Variants in PLEKHO1 observed in about 807,000 individuals in gnomAD.
The protein encoded by PLEKHO1 is pleckstrin homology domain-containing family O member 1.
Under a neutral mutation model 41.4 loss-of-function variants are expected in PLEKHO1, and 22 were observed. That is an observed-to-expected ratio of 0.53 (90% CI 0.38 to 0.76). The LOEUF (loss-of-function observed/expected upper bound fraction) is 0.76. Among genes scored for constraint, PLEKHO1 ranks in the 30% least tolerant of loss-of-function variants. The pLI, the probability that PLEKHO1 is intolerant of heterozygous loss-of-function variation, is 0.00. For missense variants in PLEKHO1, 488 were observed against 518.3 expected (o/e 0.94, Z 0.57); for synonymous variants, 225 against 210.8 (o/e 1.07, Z -0.58).
rs930229210 is a variant in PLEKHO1 at position 150,150,800 on chromosome 1, G to T, written c.31-112G>T. 9 of 992,250 alleles carry T rather than the reference G, an allele frequency of 9.1e-6. No individual in the cohort carries two copies. In the East Asian group the frequency reaches 1.5e-4, roughly 17 times the overall value. 61.5% of individuals were successfully genotyped at this position (992,250 alleles called of 1,614,324 possible). On this transcript the variant is annotated intron_variant, in intron 1 of 5. Transcript: ENST00000369124. ...ACCTGGGGCGGCCCCCCGCCCCCCGGCCGCAGCCTTCGGAGGAGACTGGGC... is the reference window on the plus strand; with the variant it reads ...ACCTGGGGCGGCCCCCCGCCCCCCGTCCGCAGCCTTCGGAGGAGACTGGGC...
At chr1:150,153,469 G>C (rs1174601476) in intron 2 of PLEKHO1, 1 of 146,978 alleles carries the variant, frequency 6.8e-6, no homozygotes, top group Non-Finnish European at 1.5e-5. Context: ...GATTATAGGC[G>C]TGAGCCACAG....
At position 150,157,094 on chromosome 1, in the gene PLEKHO1, G is replaced by T. The variant is rs587675753; in HGVS notation, c.423+79G>T. 9 of 922,142 alleles carry T rather than the reference G, an allele frequency of 9.8e-6. No homozygotes were observed. The East Asian group carries it at 1.9e-4, about 20-fold the overall frequency. The allele number at this position is 922,142 out of a possible 1,614,324, so 57.1% of individuals were successfully genotyped here. ...TGTGACCCACTGAAGGGGGAGGATT[G>T]TGCAGGCCCCGTTTACTCGCTCCTC... is the stretch of plus-strand genomic sequence containing the variant. On this transcript the variant is annotated intron_variant, in intron 4 of 5. Transcript: ENST00000369124.
Position 150,157,309 on chromosome 1 carries a change from T to C in PLEKHO1, c.424-76T>C, listed in dbSNP as rs1252131648. On this transcript the variant is annotated intron_variant, in intron 4 of 5. Coordinates refer to ENST00000369124, the MANE Select transcript of PLEKHO1 (RefSeq NM_016274.6). ...AGAAGCAGTGAATGGAGTGGGCACA[T>C]GTTCAGGCCTCGGGATGCTGGGTTG... 7.4e-6 allele frequency: 8 copies of C among 1,076,360 alleles called. No individual in the cohort carries two copies. The Admixed American group carries it at 1.1e-4, about 14-fold the overall frequency. The allele number at this position is 1,076,360 out of a possible 1,614,324, so 66.7% of individuals were successfully genotyped here. A position where few individuals can be genotyped will look rare whatever the true frequency, so the allele number is the denominator to read the frequency against.
intron 2 of PLEKHO1, among the ~76,000 whole-genome samples, chr1:150,152,560 C>T (rs1323612995): frequency 6.7e-6 from 1 of 149,878 alleles, no homozygotes; most frequent in Non-Finnish European, 1.5e-5. Context: ...GCCTCAGCCT[C>T]CCAAAGTGCT....
chr1:150,159,745 G>T lies in PLEKHO1; in HGVS notation c.*222G>T. On this transcript the variant is annotated 3_prime_UTR_variant, in exon 6 of 6. Coordinates refer to ENST00000369124, the MANE Select transcript of PLEKHO1 (RefSeq NM_016274.6). ...GGAAGTGACCCCGCAGCAGTAGCAG[G>T]AAGTTTTTACCCAGCCAGAGAGAGA... 2.1e-6 allele frequency: 1 copy of T among 472,070 alleles called. No individual in the cohort carries two copies. The highest frequency in any genetic ancestry group is 3.8e-6 in the Non-Finnish European group (1 of 263,380). The allele number at this position is 472,070 out of a possible 1,614,324, so 29.2% of individuals were successfully genotyped here.
At chr1:150,152,366 A>G (rs1659971243) in intron 2 of PLEKHO1, among the ~76,000 whole-genome samples, 1 of 152,160 alleles carries the variant, frequency 6.6e-6, no homozygotes, top group Non-Finnish European at 1.5e-5. Flanking sequence ...GCAGTGGCTC[A>G]ATCACAGCTC....
chr1:150,157,132 T>C (rs1421787989), intron 4 of PLEKHO1, 117 bp downstream of exon 4: 1 of 741,054 alleles, frequency 1.3e-6, no homozygotes, highest in East Asian at 2.6e-5. Flanking sequence ...CCAGCTCTAC[T>C]TCTTTACCAC....
At chr1:150,158,728 G>A (rs782340234) in intron 5 of PLEKHO1, 91 bp from the exon 6 acceptor site, 38 of 879,906 alleles carry the variant, frequency 4.3e-5, no homozygotes, top group Non-Finnish European at 6.5e-5. Flanking sequence ...GCTTGTAGAG[G>A]AAAATGACCA....
At chr1:150,150,824 G>A (rs181487975) in intron 1 of PLEKHO1, 88 bp from the exon 2 acceptor site, 26,533 of 1,293,598 alleles carry the variant, frequency 0.021, 365 homozygotes, top group Non-Finnish European at 0.026. Flanking sequence ...AGGAGACTGG[G>A]CCGCCGAGGC....
At chr1:150,158,399 G>A (rs782632432) in intron 5 of PLEKHO1, among the ~76,000 whole-genome samples, 5 of 152,058 alleles carry the variant, frequency 3.3e-5, no homozygotes, top group Admixed American at 6.5e-5. Flanking sequence ...AAGAGCAGAG[G>A]GCTTTGCCAG....
At chr1:150,157,144 CT>C in intron 4 of PLEKHO1, 129 bp downstream of exon 4, 2 of 709,628 alleles carry the variant, frequency 2.8e-6, no homozygotes, top group South Asian at 1.5e-5. Flanking sequence ...CTTTACCACC[CT>C]TTTAAAAGCC....
At chr1:150,156,629 C>T (rs1660180010) in intron 3 of PLEKHO1, among the ~76,000 whole-genome samples, 1 of 152,164 alleles carries the variant, frequency 6.6e-6, no homozygotes, top group Non-Finnish European at 1.5e-5. Flanking sequence ...TATTTTAATA[C>T]CTATCCTTCA....
At chr1:150,158,221 G>T in intron 5 of PLEKHO1, among the ~76,000 whole-genome samples, 1 of 152,196 alleles carries the variant, frequency 6.6e-6, no homozygotes, top group Non-Finnish European at 1.5e-5. Context: ...ATCAGATGCA[G>T]TTTAATTGCT....
At chr1:150,151,101 C>A in intron 2 of PLEKHO1, 43 bp downstream of exon 2, 1 of 1,609,744 alleles carries the variant, frequency 6.2e-7, no homozygotes. Context: ...CTCATAGCCC[C>A]CACTTTGTCA....
intron 2 of PLEKHO1, chr1:150,155,845 G>A (rs1421924156): frequency 1.0e-5 from 5 of 487,986 alleles, no homozygotes; most frequent in African/African-American, 7.8e-5. Context: ...GAAGAGAAGG[G>A]GTTTAAACAG....
chr1:150,150,820 C>CT (rs1659881873), intron 1 of PLEKHO1, 92 bp from the exon 2 acceptor site: 2 of 1,256,642 alleles, frequency 1.6e-6, no homozygotes, highest in Admixed American at 3.8e-5. Flanking sequence ...TCGGAGGAGA[C>CT]TGGGCCGCCG....
At chr1:150,153,686 A>C (rs1448704089) in intron 2 of PLEKHO1, 1 of 152,180 alleles carries the variant, frequency 6.6e-6, no homozygotes, top group Admixed American at 6.5e-5. Flanking sequence ...CTCAAAGGGC[A>C]TCCTCTCTCA....
intron 2 of PLEKHO1, chr1:150,154,488 C>CT (rs1660086768): frequency 6.6e-6 from 1 of 152,334 alleles, no homozygotes; most frequent in African/African-American, 2.4e-5. Context: ...CTGTCCTCAT[C>CT]TGTCATCAGC....
intron 2 of PLEKHO1, 88 bp downstream of exon 2, chr1:150,151,146 G>A (rs1659911676): frequency 2.7e-6 from 4 of 1,487,526 alleles, no homozygotes; most frequent in East Asian, 2.3e-5. Flanking sequence ...CTCCACCCCC[G>A]TTTTGTTCCA....
Sources: allele counts gnomAD v4.1 joint callset (sites outside exome capture counted in the v4.1 genomes callset), GRCh38; gene constraint gnomAD v4.1.1; transcripts MANE v1.5; gene names NCBI Gene and HGNC (gene_info 2026-07-23, HGNC 2026-07-21).